Variants in ASH1L observed in about 807,000 individuals in gnomAD.
The protein encoded by ASH1L is histone-lysine N-methyltransferase ASH1L.
Under a neutral mutation model 269.0 loss-of-function variants are expected in ASH1L, and 23 were observed. That is an observed-to-expected ratio of 0.09 (90% CI 0.06 to 0.12). The LOEUF (loss-of-function observed/expected upper bound fraction) is 0.12. Among genes scored for constraint, ASH1L ranks in the 10% least tolerant of loss-of-function variants. The probability of loss-of-function intolerance (pLI) is 1.00; values close to 1 mark genes in which losing one functional copy is unlikely to be tolerated. For synonymous variants in ASH1L, 1,187 were observed against 1,253.5 expected, an observed-to-expected ratio of 0.95 and a Z score of 1.12; for missense variants, 2,912 against 3,567.8, an observed-to-expected ratio of 0.82 and a Z score of 4.68.
chr1:155,558,867 TGA>T (rs1320301656), intron 1 of ASH1L, among the ~76,000 whole-genome samples: 3 of 150,594 alleles, frequency 2.0e-5, no homozygotes, highest in Non-Finnish European at 3.0e-5. Context: ...TTTTTTTTTT[TGA>T]GAGAGTCACT....
chr1:155,422,496 C>T (rs952170127), intron 5 of ASH1L, among the ~76,000 whole-genome samples: 18 of 151,648 alleles, frequency 1.2e-4, no homozygotes, highest in Non-Finnish European at 5.9e-5. Flanking sequence ...GATTTACATG[C>T]CTCTGCCTCC....
At chr1:155,363,472 G>A (rs1655143952) in intron 12 of ASH1L, among the ~76,000 whole-genome samples, 1 of 151,762 alleles carries the variant, frequency 6.6e-6, no homozygotes, top group Non-Finnish European at 1.5e-5. Flanking sequence ...TCAAACTCCT[G>A]AGCTCAGATG....
intron 2 of ASH1L, among the ~76,000 whole-genome samples, chr1:155,504,785 C>A (rs1667709982): frequency 6.7e-6 from 1 of 149,754 alleles, no homozygotes; most frequent in East Asian, 2.0e-4. Flanking sequence ...ACCCAGGAGG[C>A]AGAGGTTGCA....
rs765786580 is a variant in ASH1L at position 155,481,890 on chromosome 1, G to C, written c.980C>G (p.Thr327Ser). 1.2e-6 allele frequency: 2 copies of C among 1,614,064 alleles called. No individual in the cohort carries two copies. The highest frequency in any genetic ancestry group is 1.7e-5 in the Admixed American group (1 of 59,990). ...INKNLGKKPG[T>S]ITTVGLLSKD... ...GCTTAGCAGTCCTACTGTAGTGATA[G>C]TTCCTGGCTTTTTGCCTAAGTTTTT... is the stretch of plus-strand genomic sequence containing the variant. The change falls in exon 3 of 28, where the codon ACT (threonine) becomes AGT (serine). Residue 327 changes from threonine to serine, a missense_variant. Thr to Ser is a moderately conservative substitution (Grantham distance 58, BLOSUM62 1). This residue lies in a region of ASH1L where 277 missense variants were observed against 367.7 expected (regional missense o/e 0.75). Coordinates refer to ENST00000392403, the MANE Select transcript of ASH1L (RefSeq NM_018489.3).
Position 155,438,872 on chromosome 1 carries a change from T to C in ASH1L, c.5283A>G (p.Lys1761=). 1 of 1,614,052 alleles carries C rather than the reference T, an allele frequency of 6.2e-7. No individual in the cohort carries two copies. Among genetic ancestry groups the C allele is most frequent in the Non-Finnish European group, 8.5e-7 (1 of 1,179,936 alleles). ...RSHSKDRTLG[K]PDSLLVPAVT... ...CTGCAGGCACTAAAAGGCTGTCTGG[T>C]TTTCCCAGGGTTCGGTCCTTGCTGT... The change falls in exon 5 of 28, where the codon AAA becomes AAG. Residue 1761 remains lysine, a synonymous_variant. Coordinates refer to ENST00000392403, the MANE Select transcript of ASH1L (RefSeq NM_018489.3).
intron 1 of ASH1L, among the ~76,000 whole-genome samples, chr1:155,557,180 G>C (rs1167613949): frequency 6.6e-6 from 1 of 152,038 alleles, no homozygotes; most frequent in Non-Finnish European, 1.5e-5. Context: ...TGAAAACTTA[G>C]CTGTTCAATG....
At chr1:155,546,158 CAAAA>C (rs57715557) in intron 1 of ASH1L, among the ~76,000 whole-genome samples, 1 of 110,792 alleles carries the variant, frequency 9.0e-6, no homozygotes, top group Admixed American at 1.1e-4. Context: ...ATTCCATCAC[CAAAA>C]AAAAAAAAAA....
chr1:155,530,649 C>CT (rs1669612327), intron 1 of ASH1L, among the ~76,000 whole-genome samples: 2 of 151,064 alleles, frequency 1.3e-5, no homozygotes, highest in African/African-American at 4.9e-5. Flanking sequence ...GGCAGGAGAA[C>CT]TGTTTGAACA....
chr1:155,472,981 T>G (rs1177957015), intron 3 of ASH1L, among the ~76,000 whole-genome samples: 1 of 152,192 alleles, frequency 6.6e-6, no homozygotes, highest in Non-Finnish European at 1.5e-5. Context: ...TGATTATACA[T>G]ATAAAAATTC....
chr1:155,536,692 C>A (rs1279613372), intron 1 of ASH1L, among the ~76,000 whole-genome samples: 1 of 152,038 alleles, frequency 6.6e-6, no homozygotes, highest in East Asian at 1.9e-4. Context: ...ATGATCATGC[C>A]ACTGCACTCC....
intron 1 of ASH1L, among the ~76,000 whole-genome samples, chr1:155,545,175 C>T (rs1323931727): frequency 4.6e-5 from 1 of 21,768 alleles, no homozygotes; most frequent in Non-Finnish European, 7.0e-5. Context: ...TCCATCTCAC[C>T]AAAAAAAAAA....
At chr1:155,419,654 CA>C (rs1660510056) in intron 5 of ASH1L, among the ~76,000 whole-genome samples, 1 of 152,068 alleles carries the variant, frequency 6.6e-6, no homozygotes, top group African/African-American at 2.4e-5. Flanking sequence ...TGGCAATGAC[CA>C]GGCAGGAAGT....
intron 1 of ASH1L, among the ~76,000 whole-genome samples, chr1:155,546,222 G>A (rs892463088): frequency 2.0e-5 from 3 of 149,172 alleles, no homozygotes; most frequent in South Asian, 4.3e-4. Flanking sequence ...TCCCAGCTAC[G>A]TGGTAGGCTG....
At chr1:155,452,443 T>C (rs1663553891) in intron 4 of ASH1L, among the ~76,000 whole-genome samples, 1 of 152,242 alleles carries the variant, frequency 6.6e-6, no homozygotes, top group Non-Finnish European at 1.5e-5. Flanking sequence ...AAATCAGTTA[T>C]TTGTAGAACA....
At chr1:155,506,012 C>T (rs1023827583) in intron 2 of ASH1L, among the ~76,000 whole-genome samples, 1 of 152,108 alleles carries the variant, frequency 6.6e-6, no homozygotes, top group South Asian at 2.1e-4. Flanking sequence ...CGACAGGCCC[C>T]GATGTGTGAT....
intron 1 of ASH1L, among the ~76,000 whole-genome samples, chr1:155,560,596 C>T (rs1177348178): frequency 6.6e-6 from 1 of 152,158 alleles, no homozygotes; most frequent in Non-Finnish European, 1.5e-5. Context: ...TCACGTTGTA[C>T]CCAGGCTATT....
At chr1:155,518,681 C>T (rs1242022155) in intron 2 of ASH1L, among the ~76,000 whole-genome samples, 5 of 5,180 alleles carry the variant, frequency 9.7e-4, no homozygotes, top group Non-Finnish European at 1.8e-3. Flanking sequence ...AGCTTGAGAA[C>T]GGGGGCGGTG....
chr1:155,546,400 G>C (rs1448312370), intron 1 of ASH1L, among the ~76,000 whole-genome samples: 2 of 151,966 alleles, frequency 1.3e-5, no homozygotes, highest in Non-Finnish European at 2.9e-5. Flanking sequence ...AGGTGACAGT[G>C]AGTAAAGATT....
chr1:155,362,480 ATCC>A (rs769367943), intron 12 of ASH1L, among the ~76,000 whole-genome samples: 32 of 151,958 alleles, frequency 2.1e-4, no homozygotes, highest in Admixed American at 1.8e-3. Context: ...ATATTATTTC[ATCC>A]TCCTAACAAT....
Sources: allele counts gnomAD v4.1 joint callset (sites outside exome capture counted in the v4.1 genomes callset), GRCh38; gene constraint gnomAD v4.1.1; regional missense constraint gnomAD v4.1.1; transcripts MANE v1.5; gene names NCBI Gene and HGNC (gene_info 2026-07-23, HGNC 2026-07-21).